IL1RAPL2: variants seen among roughly 807,000 people sequenced by gnomAD.
IL1RAPL2 encodes the protein interleukin 1 receptor accessory protein like 2.
Under a neutral mutation model 44.1 loss-of-function variants are expected in IL1RAPL2, and 3 were observed. The observed-to-expected ratio is 0.07, with a 90% CI of 0.03 to 0.18. IL1RAPL2 has a LOEUF of 0.18. IL1RAPL2 is among the 10% of genes least tolerant of loss of function. IL1RAPL2 has a pLI of 1.00. For synonymous variants in IL1RAPL2, 181 were observed against 178.8 expected (o/e 1.01, Z -0.10); for missense variants, 391 against 496.4 (o/e 0.79, Z 2.02).
intron 5 of IL1RAPL2, among the ~76,000 whole-genome samples, chrX:105,410,815 T>G (rs1428483359): frequency 9.0e-6 from 1 of 111,444 alleles, no homozygotes; most frequent in Non-Finnish European, 1.9e-5. Context: ...TCTACCAATG[T>G]GAAAACATGT....
chrX:104,910,049 C>G (rs943412732), intron 2 of IL1RAPL2, among the ~76,000 whole-genome samples: 6 of 112,701 alleles, frequency 5.3e-5, no homozygotes, highest in Middle Eastern at 9.1e-3. Context: ...GGAATATAAT[C>G]TCATGCTGCA....
chrX:105,068,046 A>G (rs1219447494), intron 2 of IL1RAPL2, among the ~76,000 whole-genome samples: 1 of 112,490 alleles, frequency 8.9e-6, no homozygotes, highest in Non-Finnish European at 1.9e-5. Flanking sequence ...GAAAGGAGCA[A>G]TAAGACACAA....
At chrX:105,525,459 A>G (rs1217494584) in intron 6 of IL1RAPL2, among the ~76,000 whole-genome samples, 2 of 111,452 alleles carry the variant, frequency 1.8e-5, no homozygotes, top group Non-Finnish European at 3.8e-5. Flanking sequence ...TAGATTGTAC[A>G]ACTGTGAACA....
chrX:105,515,722 T>C (rs2036508290), intron 6 of IL1RAPL2, among the ~76,000 whole-genome samples: 1 of 111,506 alleles, frequency 9.0e-6, no homozygotes, highest in South Asian at 3.7e-4. Flanking sequence ...TAAGACTATC[T>C]TGACTAGGCA....
At chrX:105,363,278 T>TATATATATATAATATATATATATATATA (rs1569429129) in intron 5 of IL1RAPL2, among the ~76,000 whole-genome samples, 2 of 75,666 alleles carry the variant, frequency 2.6e-5, no homozygotes, top group Non-Finnish European at 4.5e-5. Flanking sequence ...TATATGTGTG[T>TATATATATATAATATATATATATATATA]ATATATATAT....
chrX:104,981,614 T>C (rs748851824), intron 2 of IL1RAPL2, among the ~76,000 whole-genome samples: 1 of 110,786 alleles, frequency 9.0e-6, no homozygotes, highest in South Asian at 3.8e-4. Flanking sequence ...TAGTAATATA[T>C]TGAATGGAAA....
chrX:104,603,144 C>A (rs762169133), intron 1 of IL1RAPL2, among the ~76,000 whole-genome samples: 1 of 111,530 alleles, frequency 9.0e-6, no homozygotes, highest in South Asian at 3.8e-4. Flanking sequence ...AGGCAGCAAT[C>A]TTTGCTGTTC....
chrX:104,908,074 T>C (rs1349959581), intron 2 of IL1RAPL2, among the ~76,000 whole-genome samples: 3 of 110,707 alleles, frequency 2.7e-5, no homozygotes, highest in Admixed American at 9.7e-5. Flanking sequence ...TCTTTGTCTC[T>C]TTTGATCTTT....
intron 2 of IL1RAPL2, among the ~76,000 whole-genome samples, chrX:104,998,336 G>A (rs2030785330): frequency 9.0e-6 from 1 of 111,401 alleles, no homozygotes; most frequent in East Asian, 2.9e-4. Flanking sequence ...AGTGAAATGA[G>A]GGGGAGGATG....
intron 6 of IL1RAPL2, among the ~76,000 whole-genome samples, chrX:105,679,414 T>C (rs984991953): frequency 8.9e-6 from 1 of 112,078 alleles, no homozygotes; most frequent in African/African-American, 3.2e-5. Context: ...ATTAAGGATT[T>C]ATTTTATTCA....
chrX:104,643,475 A>G, intron 1 of IL1RAPL2, among the ~76,000 whole-genome samples: 1 of 111,994 alleles, frequency 8.9e-6, no homozygotes, highest in Non-Finnish European at 1.9e-5. Context: ...CCATTGGTTC[A>G]TTTTCAAAAA....
chrX:105,127,026 C>A (rs2032982101), intron 2 of IL1RAPL2, among the ~76,000 whole-genome samples: 1 of 111,251 alleles, frequency 9.0e-6, no homozygotes, highest in African/African-American at 3.2e-5. Flanking sequence ...AATGTATGAG[C>A]ATCAGCTAAA....
intron 2 of IL1RAPL2, among the ~76,000 whole-genome samples, chrX:104,862,578 G>C (rs1214071795): frequency 9.0e-6 from 1 of 110,749 alleles, no homozygotes; most frequent in Non-Finnish European, 1.9e-5. Flanking sequence ...CAATCCTGTG[G>C]ACACACTGAT....
intron 2 of IL1RAPL2, among the ~76,000 whole-genome samples, chrX:104,692,361 TTTATTA>T (rs898687811): frequency 2.7e-5 from 3 of 110,143 alleles, no homozygotes; most frequent in African/African-American, 3.3e-5. Flanking sequence ...TATATATATA[TTTATTA>T]TTATTAAAGT....
At chrX:104,745,095 T>A (rs778620590) in intron 2 of IL1RAPL2, among the ~76,000 whole-genome samples, 2 of 110,784 alleles carry the variant, frequency 1.8e-5, no homozygotes, top group South Asian at 7.7e-4. Context: ...CCAAAGCTGG[T>A]GTACTTTGGG....
At chrX:105,227,279 A>C (rs2034026153) in intron 3 of IL1RAPL2, among the ~76,000 whole-genome samples, 1 of 112,221 alleles carries the variant, frequency 8.9e-6, no homozygotes, top group Non-Finnish European at 1.9e-5. Flanking sequence ...TTGTTTGTTT[A>C]ATTACCAGGT....
At chrX:105,220,038 C>T (rs1219309984) in intron 3 of IL1RAPL2, 27 of 1,210,152 alleles carry the variant, frequency 2.2e-5, no homozygotes, top group East Asian at 8.9e-5. Context: ...CCTTGCGTTC[C>T]GTCTCCTGCT....
chrX:105,560,117 C>A (rs2036924188), intron 6 of IL1RAPL2, among the ~76,000 whole-genome samples: 1 of 111,425 alleles, frequency 9.0e-6, no homozygotes, highest in Non-Finnish European at 1.9e-5. Flanking sequence ...ACCAATGCAC[C>A]ATAGCCATCC....
At chrX:105,549,326 T>C (rs1460364448) in intron 6 of IL1RAPL2, among the ~76,000 whole-genome samples, 1 of 112,472 alleles carries the variant, frequency 8.9e-6, no homozygotes, top group African/African-American at 3.2e-5. Context: ...TCATTATTCT[T>C]AAATCAACAA....
Sources: allele counts gnomAD v4.1 joint callset (sites outside exome capture counted in the v4.1 genomes callset), GRCh38; gene constraint gnomAD v4.1.1; transcripts MANE v1.5; gene names NCBI Gene and HGNC (gene_info 2026-07-23, HGNC 2026-07-21).